Variants in TDP1 observed in about 807,000 individuals in gnomAD.
The protein encoded by TDP1 is tyr-DNA phosphodiesterase 1.
Under a neutral mutation model 81.5 loss-of-function variants are expected in TDP1, and 64 were observed. That is an observed-to-expected ratio of 0.79 (90% CI 0.64 to 0.97). TDP1 has a LOEUF of 0.97. Among genes scored for constraint, TDP1 ranks in the 50% least tolerant of loss-of-function variants. The pLI, the probability that TDP1 is intolerant of heterozygous loss-of-function variation, is 0.00. For synonymous variants in TDP1, 256 were observed against 264.3 expected (o/e 0.97, Z 0.30); for missense variants, 723 against 743.8 (o/e 0.97, Z 0.33).
intron 5 of TDP1, chr14:89,970,852 T>C: frequency 9.8e-6 from 7 of 714,448 alleles, no homozygotes; most frequent in Non-Finnish European, 1.2e-5. Context: ...TATTTATTTA[T>C]TTTTGAGACA....
intron 4 of TDP1, chr14:89,966,998 CTT>C: frequency 1.0e-6 from 1 of 985,088 alleles, no homozygotes; most frequent in Non-Finnish European, 1.2e-6. Flanking sequence ...CAGTATCTGT[CTT>C]TTTATAATCA....
intron 8 of TDP1, chr14:89,984,214 G>A: frequency 3.0e-6 from 3 of 985,432 alleles, no homozygotes; most frequent in Non-Finnish European, 3.6e-6. Context: ...GAGGTAAGAG[G>A]AGCAATAAGG....
intron 12 of TDP1, among the ~76,000 whole-genome samples, chr14:89,990,377 G>A (rs1365921329): frequency 1.3e-5 from 2 of 152,036 alleles, no homozygotes; most frequent in African/African-American, 4.8e-5. Context: ...GATGTTAACT[G>A]AAAACCCACA....
intron 14 of TDP1, among the ~76,000 whole-genome samples, chr14:90,005,979 G>T (rs927795134): frequency 6.6e-5 from 10 of 152,208 alleles, no homozygotes; most frequent in African/African-American, 2.4e-4. Flanking sequence ...ATCAAGAATA[G>T]ATGGATCCTT....
At chr14:89,981,429 G>A (rs1401011199) in intron 8 of TDP1, 4 of 453,728 alleles carry the variant, frequency 8.8e-6, no homozygotes, top group Middle Eastern at 6.5e-4. Context: ...TATTGTTCTT[G>A]ATTATGACTA....
chr14:90,043,139 C>G lies in TDP1; in HGVS notation c.1823C>G (p.Ser608Cys), dbSNP rs1252276793. The G allele has an allele frequency of 6.2e-7, 1 of 1,614,070 alleles. No homozygotes were observed. Among genetic ancestry groups the G allele is most frequent in the Non-Finnish European group, 8.5e-7 (1 of 1,180,048 alleles). The change falls in exon 17 of 17, where the codon TCC becomes TGC. Residue 608 changes from serine (S) to cysteine (C), a missense_variant. Physicochemically the swap from Ser to Cys is moderately radical, Grantham distance 112. Transcript: ENST00000335725. ...ACGCATGGGAACATGTGGGTGCCCT[C>G]CTGAGAATCTTGAGGCACTGTGAAA... ...PDTHGNMWVPS is the reference protein window; with the variant it reads ...PDTHGNMWVPC
At chr14:90,018,342 T>TA (rs1885562302) in intron 14 of TDP1, among the ~76,000 whole-genome samples, 1 of 152,204 alleles carries the variant, frequency 6.6e-6, no homozygotes, top group Admixed American at 6.5e-5. Context: ...CATTCGCTTA[T>TA]AAAAAGAGTC....
intron 10 of TDP1, chr14:89,986,853 A>G (rs1252527057): frequency 6.6e-6 from 1 of 152,272 alleles, no homozygotes; most frequent in Non-Finnish European, 1.5e-5. Context: ...AAAATAATAC[A>G]TATTAAATTA....
chr14:89,996,092 A>C (rs1332685502), intron 14 of TDP1, among the ~76,000 whole-genome samples: 1 of 152,158 alleles, frequency 6.6e-6, no homozygotes, highest in Non-Finnish European at 1.5e-5. Flanking sequence ...CCAGGTCAGA[A>C]ACTTATCCTC....
intron 5 of TDP1, 46 bp from the exon 6 acceptor site, chr14:89,971,129 C>A (rs769226011): frequency 6.5e-7 from 1 of 1,537,770 alleles, no homozygotes; most frequent in Non-Finnish European, 9.0e-7. Context: ...AGCCACTGAG[C>A]CTGGCCATGA....
chr14:89,978,392 C>T (rs1033227905), intron 7 of TDP1, among the ~76,000 whole-genome samples: 3 of 152,198 alleles, frequency 2.0e-5, no homozygotes, highest in African/African-American at 7.2e-5. Context: ...TGGTAACATA[C>T]GACAGAGCTT....
At chr14:89,984,207 G>A (rs1050338412) in intron 8 of TDP1, 1 of 985,312 alleles carries the variant, frequency 1.0e-6, no homozygotes, top group African/African-American at 1.7e-5. Context: ...AGGTGCAGAG[G>A]TAAGAGGAGC....
chr14:89,982,202 C>A (rs754934136), intron 8 of TDP1, among the ~76,000 whole-genome samples: 3 of 152,006 alleles, frequency 2.0e-5, no homozygotes, highest in Non-Finnish European at 4.4e-5. Flanking sequence ...TTTCTATAAA[C>A]ATGTTATAAT....
In TDP1 at chr14:89,988,789, T is replaced by G. The variant is rs1596565489; in HGVS notation, c.1132-116T>G. ...TGGGTATGAAATTGATCACTAGTAT[T>G]TTCAGCTTTTCTTGTTAATTAGGCT... On this transcript the variant is annotated intron_variant, in intron 10 of 16. Coordinates refer to ENST00000335725, the MANE Select transcript of TDP1 (RefSeq NM_018319.4). 3 of 1,547,266 alleles carry G rather than the reference T, an allele frequency of 1.9e-6. No homozygotes were observed. The Admixed American group carries it at 5.9e-5, about 30-fold the overall frequency.
intron 6 of TDP1, 193 bp from the exon 7 acceptor site, chr14:89,975,588 T>TG: frequency 3.1e-5 from 22 of 716,386 alleles, no homozygotes; most frequent in Non-Finnish European, 3.8e-5. Flanking sequence ...TGTGTTTTTT[T>TG]TTTTTTTTTT....
At chr14:89,997,374 G>T (rs748439743) in intron 14 of TDP1, among the ~76,000 whole-genome samples, 1 of 152,172 alleles carries the variant, frequency 6.6e-6, no homozygotes, top group Non-Finnish European at 1.5e-5. Context: ...GCCCTCAAAG[G>T]TGATTCCTGA....
Position 89,993,163 on chromosome 14 carries a change from T to A in TDP1, c.1434-213T>A, listed in dbSNP as rs948889402. On this transcript the variant is annotated intron_variant, in intron 13 of 16. Coordinates refer to ENST00000335725, the MANE Select transcript of TDP1 (RefSeq NM_018319.4). ...ATGGAAAGGCTATATGCTGAAAGGTTGCAGTGCTTCTTGTGAAAAGTGGGA... is the reference window on the plus strand; with the variant it reads ...ATGGAAAGGCTATATGCTGAAAGGTAGCAGTGCTTCTTGTGAAAAGTGGGA... 3 of 984,162 alleles carry A rather than the reference T, an allele frequency of 3.0e-6. No individual in the cohort carries two copies. The African/African-American group carries it at 5.2e-5, about 17-fold the overall frequency. 61.0% of individuals were successfully genotyped at this position (984,162 alleles called of 1,614,324 possible). A position where few individuals can be genotyped will look rare whatever the true frequency, so the allele number is the denominator to read the frequency against.
intron 15 of TDP1, among the ~76,000 whole-genome samples, chr14:90,027,274 C>A (rs549086736): frequency 1.3e-5 from 2 of 152,118 alleles, no homozygotes; most frequent in Non-Finnish European, 2.9e-5. Context: ...CCTTCTCTCT[C>A]CCCTGGATGA....
At chr14:90,030,283 C>T (rs1185323757) in intron 15 of TDP1, among the ~76,000 whole-genome samples, 1 of 152,198 alleles carries the variant, frequency 6.6e-6, no homozygotes, top group Admixed American at 6.5e-5. Context: ...CCGGGATGTG[C>T]CTGCTCTGTG....
Sources: allele counts gnomAD v4.1 joint callset (sites outside exome capture counted in the v4.1 genomes callset), GRCh38; gene constraint gnomAD v4.1.1; transcripts MANE v1.5; gene names NCBI Gene and HGNC (gene_info 2026-07-23, HGNC 2026-07-21).